The following ZNF844 variants were observed in gnomAD, a reference collection of about 807,000 sequenced individuals.
ZNF844 encodes zinc finger protein 844.
ZNF844 carries 11 observed loss-of-function variants against 11.4 expected under a neutral mutation model. That is an observed-to-expected ratio of 0.97 (90% CI 0.61 to 1.60). ZNF844 has a LOEUF of 1.60. ZNF844 is among the 40% of genes most tolerant of loss of function. The pLI is 0.00. For synonymous variants in ZNF844, 248 were observed against 260.3 expected (o/e 0.95, Z 0.46); for missense variants, 790 against 796.8 (o/e 0.99, Z 0.10).
chr19:12,077,574 T>C lies in ZNF844; in HGVS notation c.*453T>C. 1.7e-6 allele frequency: 1 copy of C among 588,336 alleles called. No individual in the cohort carries two copies. Among genetic ancestry groups the C allele is most frequent in the Admixed American group, 2.0e-5 (1 of 50,332 alleles). The allele number at this position is 588,336 out of a possible 1,614,324, so 36.4% of individuals were successfully genotyped here. ...TGAATGTAAGCAGTGTGGTAAAGCC[T>C]TCAGATCTGCCACTCAACTTCAGAT... On this transcript the variant is annotated 3_prime_UTR_variant, in exon 4 of 4. Transcript: ENST00000439326.
At position 12,074,029 on chromosome 19, in the gene ZNF844, A is replaced by G. The variant is rs767542402; in HGVS notation, c.4-2A>G. On this transcript the variant is annotated splice_acceptor_variant, in intron 1 of 3. Coordinates refer to ENST00000439326, the MANE Select transcript of ZNF844 (RefSeq NM_001136501.3). LOFTEE classifies it high-confidence loss of function. ...CTCCTCTATACATGTGGGATGTTTC[A>G]GGACTTGGTGGCTTTCGAGGATGTG... 6.2e-7 allele frequency: 1 copy of G among 1,611,668 alleles called. No individual in the cohort carries two copies. Among genetic ancestry groups the G allele is most frequent in the Admixed American group, 1.7e-5 (1 of 59,896 alleles).
intron 3 of ZNF844, among the ~76,000 whole-genome samples, chr19:12,074,722 T>C (rs992670426): frequency 3.9e-5 from 6 of 152,138 alleles, no homozygotes; most frequent in Non-Finnish European, 8.8e-5. Flanking sequence ...CATTGTGGCA[T>C]ATACCTGTAG....
At chr19:12,069,392 C>T (rs1258260653) in intron 1 of ZNF844, among the ~76,000 whole-genome samples, 1 of 151,142 alleles carries the variant, frequency 6.6e-6, no homozygotes, top group African/African-American at 2.4e-5. Context: ...CCATGTTGGT[C>T]AGGCTGGTCT....
intron 1 of ZNF844, among the ~76,000 whole-genome samples, chr19:12,073,246 G>A (rs376616183): frequency 1.6e-4 from 25 of 151,722 alleles, no homozygotes; most frequent in African/African-American, 5.8e-4. Flanking sequence ...CGCAACCTCC[G>A]CCTGCCAGGT....
chr19:12,067,745 T>C (rs1260188611), intron 1 of ZNF844, among the ~76,000 whole-genome samples: 2 of 149,552 alleles, frequency 1.3e-5, no homozygotes, highest in Non-Finnish European at 3.0e-5. Context: ...TGGAACTCCG[T>C]CTCTACTAAA....
At position 12,081,408 on chromosome 19, in the gene ZNF844, A is replaced by G. The variant is rs560844276; in HGVS notation, c.*4287A>G. The G allele has an allele frequency of 6.6e-6, 1 of 152,274 alleles. No individual in the cohort carries two copies. Among genetic ancestry groups the G allele is most frequent in the East Asian group, 1.9e-4 (1 of 5,184 alleles). 9.4% of individuals were successfully genotyped at this position (152,274 alleles called of 1,614,324 possible). On this transcript the variant is annotated 3_prime_UTR_variant, in exon 4 of 4. Transcript: ENST00000439326. Reference sequence around the variant, plus strand: ...CTCCATTTATTTTCAATTATGTTTGATTATATTTGATTAAAAACAATAATT... The same window carrying G: ...CTCCATTTATTTTCAATTATGTTTGGTTATATTTGATTAAAAACAATAATT...
rs771892327 is a variant in ZNF844, at chr19:12,075,647, A to G, written c.527A>G (p.Lys176Arg). The change falls in exon 4 of 4, where the codon AAA (lysine) becomes AGA (arginine). Residue 176 changes from lysine to arginine, a missense_variant. Transcript: ENST00000439326. Reference sequence around the variant, plus strand: ...CTCTATGATTGTAAAGAATGTGGAAAAACCTTCATATCCCATTCAAGCATT... The same window carrying G: ...CTCTATGATTGTAAAGAATGTGGAAGAACCTTCATATCCCATTCAAGCATT... ...EKLYDCKECG[K>R]TFISHSSIQR... 14 of 1,612,208 alleles carry G rather than the reference A, an allele frequency of 8.7e-6. No homozygotes were observed. Among genetic ancestry groups the G allele is most frequent in the Non-Finnish European group, 1.2e-5 (14 of 1,179,516 alleles).
chr19:12,072,638 C>T (rs1161911422), intron 1 of ZNF844, among the ~76,000 whole-genome samples: 1 of 152,000 alleles, frequency 6.6e-6, no homozygotes, highest in Admixed American at 6.6e-5. Context: ...GGCTGAAGTG[C>T]AATGGCGCGA....
intron 1 of ZNF844, among the ~76,000 whole-genome samples, chr19:12,069,316 G>A (rs1215579315): frequency 6.6e-6 from 1 of 150,406 alleles, no homozygotes; most frequent in Non-Finnish European, 1.5e-5. Flanking sequence ...CTGAGTAGCT[G>A]GGATTACAGG....
At chr19:12,075,044 A>G (rs1356544065) in intron 3 of ZNF844, among the ~76,000 whole-genome samples, 1 of 152,140 alleles carries the variant, frequency 6.6e-6, no homozygotes, top group Non-Finnish European at 1.5e-5. Context: ...ACTTTCCTGG[A>G]TAATGTTGAA....
At chr19:12,072,067 AG>A (rs1975758899) in intron 1 of ZNF844, among the ~76,000 whole-genome samples, 1 of 151,848 alleles carries the variant, frequency 6.6e-6, no homozygotes, top group Non-Finnish European at 1.5e-5. Flanking sequence ...TTGTATTTTT[AG>A]TAGAGATGGG....
Position 12,064,751 on chromosome 19 carries a change from G to A in ZNF844, c.-123G>A. On this transcript the variant is annotated 5_prime_UTR_variant, in exon 1 of 4. Coordinates refer to ENST00000439326, the MANE Select transcript of ZNF844 (RefSeq NM_001136501.3). ...GCCTCAGTCTTTGGCCCCTCCCGCC[G>A]GGTGAGGTTGGCACCCCGTTTTTCC... The A allele has an allele frequency of 1.9e-6, 2 of 1,036,022 alleles. No homozygotes were observed. Among genetic ancestry groups the A allele is most frequent in the Admixed American group, 2.5e-5 (1 of 39,470 alleles). 64.2% of individuals were successfully genotyped at this position (1,036,022 alleles called of 1,614,324 possible). A position where few individuals can be genotyped will look rare whatever the true frequency, so the allele number is the denominator to read the frequency against.
rs530711889 is a variant in ZNF844 at position 12,076,511 on chromosome 19, A to C, written c.1391A>C (p.Lys464Thr). The stretch of plus-strand genomic sequence containing the variant: ...CCTTCAGATCTGCCTCACACCTTCA[A>C]ATGCATGGAAGGACTCACACTCAAG... ...GKPSDLPHTF[K>T]CMEGLTLKRN... is the part of the protein sequence containing the mutation. The change falls in exon 4 of 4, where the codon AAA becomes ACA. Residue 464 changes from lysine to threonine, a missense_variant. By Grantham distance (78) the Lys-to-Thr change is moderately conservative (BLOSUM62 -1). This residue lies in a region of ZNF844 where 657 missense variants were observed against 636.2 expected (regional missense o/e 1.03). Coordinates refer to ENST00000439326, the MANE Select transcript of ZNF844 (RefSeq NM_001136501.3). 6.2e-7 allele frequency: 1 copy of C among 1,610,218 alleles called. No individual in the cohort carries two copies. The highest frequency in any genetic ancestry group is 1.7e-5 in the Admixed American group (1 of 59,508).
chr19:12,068,406 T>C (rs1265326816), intron 1 of ZNF844, among the ~76,000 whole-genome samples: 1 of 152,108 alleles, frequency 6.6e-6, no homozygotes, highest in Non-Finnish European at 1.5e-5. Flanking sequence ...GGCGGGCAGA[T>C]CATGAGGTCA....
chr19:12,076,015 C>A lies in ZNF844; in HGVS notation c.895C>A (p.His299Asn). The change falls in exon 4 of 4, where the codon CAT becomes AAT. Residue 299 changes from histidine (H) to asparagine (N), a missense_variant. Coordinates refer to ENST00000439326, the MANE Select transcript of ZNF844 (RefSeq NM_001136501.3). Reference protein sequence around the residue: ...AFRWFHSFQIHERTHSEEKAY... With the variant: ...AFRWFHSFQINERTHSEEKAY... ...CAGATGGTTCCATTCCTTTCAAATA[C>A]ATGAAAGAACTCACAGTGAGGAGAA... The A allele has an allele frequency of 1.9e-6, 3 of 1,573,074 alleles. No homozygotes were observed. The highest frequency in any genetic ancestry group is 2.6e-6 in the Non-Finnish European group (3 of 1,158,762).
At chr19:12,067,607 CAAAAAA>C (rs772282496) in intron 1 of ZNF844, among the ~76,000 whole-genome samples, 4 of 37,430 alleles carry the variant, frequency 1.1e-4, no homozygotes, top group Non-Finnish European at 2.6e-4. Flanking sequence ...AACTCTGTCT[CAAAAAA>C]AAAAAAAAAA....
chr19:12,074,691 TCAAA>T (rs1028582731), intron 3 of ZNF844, among the ~76,000 whole-genome samples: 7 of 152,122 alleles, frequency 4.6e-5, no homozygotes, highest in African/African-American at 1.4e-4. Context: ...AGACTTCATC[TCAAA>T]CAAAGAACTA....
intron 1 of ZNF844, among the ~76,000 whole-genome samples, chr19:12,072,837 G>A (rs530900296): frequency 3.9e-5 from 6 of 152,076 alleles, no homozygotes; most frequent in Admixed American, 6.6e-5. Context: ...CACCCACCTC[G>A]GCCTCCCAAA....
intron 1 of ZNF844, among the ~76,000 whole-genome samples, chr19:12,065,866 C>G (rs893985109): frequency 6.6e-6 from 1 of 151,958 alleles, no homozygotes; most frequent in African/African-American, 2.4e-5. Flanking sequence ...AACTCCTGAC[C>G]TCAGGTGATC....
Sources: gnomAD v4.1 joint callset for allele counts (sites outside exome capture counted in the v4.1 genomes callset) on GRCh38, gnomAD v4.1.1 for gene constraint, gnomAD v4.1.1 regional missense constraint, MANE v1.5 for transcripts, NCBI Gene and HGNC (gene_info 2026-07-23, HGNC 2026-07-21) for gene names.